The following CTNNA3 variants were observed in gnomAD, a reference collection of about 807,000 sequenced individuals.
CTNNA3 encodes the protein catenin alpha 3, also known as catenin alpha-3.
A neutral mutation model predicts 95.7 loss-of-function variants in CTNNA3; 76 were observed. The observed-to-expected ratio is 0.79, with a 90% CI of 0.66 to 0.96. The LOEUF (loss-of-function observed/expected upper bound fraction) is 0.96, where lower values mean the gene tolerates loss of function less well. Ranked by LOEUF, CTNNA3 falls within the 40% of genes least tolerant of loss-of-function variation. The probability of loss-of-function intolerance (pLI) is 0.00; values close to 1 mark genes in which losing one functional copy is unlikely to be tolerated. For synonymous variants in CTNNA3, 431 were observed against 374.4 expected (o/e 1.15, Z -1.74); for missense variants, 1,191 against 1,089.8 (o/e 1.09, Z -1.31).
intron 7 of CTNNA3, among the ~76,000 whole-genome samples, chr10:66,837,892 C>T (rs1399338422): frequency 6.6e-6 from 1 of 152,096 alleles, no homozygotes; most frequent in Non-Finnish European, 1.5e-5. Context: ...TCTCTGCCGC[C>T]ACTTGTCCAT....
chr10:66,257,230 C>A lies in CTNNA3; in HGVS notation c.1884+23240G>T, dbSNP rs576326936. Reference sequence around the variant, plus strand: ...AAGTCTAGAGTAAATCTGATTGTGGCTAAACAAGAGATAATGTTCTTCATA... The same window carrying A: ...AAGTCTAGAGTAAATCTGATTGTGGATAAACAAGAGATAATGTTCTTCATA... On this transcript the variant is annotated intron_variant, in intron 13 of 17. Coordinates refer to ENST00000433211, the MANE Select transcript of CTNNA3 (RefSeq NM_013266.4). Among the ~76,000 whole-genome samples the A allele has an allele frequency of 2.3e-4, 35 of 152,264 alleles. No homozygotes were observed. In the South Asian group the frequency reaches 7.3e-3, roughly 32 times the overall value.
intron 9 of CTNNA3, among the ~76,000 whole-genome samples, chr10:66,756,215 A>G (rs535103427): frequency 1.3e-5 from 2 of 152,276 alleles, no homozygotes; most frequent in African/African-American, 2.4e-5. Flanking sequence ...AAAAAAGAGG[A>G]GGACAGGAAG....
chr10:66,704,806 A>G (rs1303893345), intron 9 of CTNNA3, among the ~76,000 whole-genome samples: 3 of 152,170 alleles, frequency 2.0e-5, no homozygotes, highest in Non-Finnish European at 4.4e-5. Flanking sequence ...AGATTCCATC[A>G]TATTTTCTAC....
At chr10:67,332,557 T>A (rs1490618788) in intron 5 of CTNNA3, among the ~76,000 whole-genome samples, 1 of 152,172 alleles carries the variant, frequency 6.6e-6, no homozygotes, top group Non-Finnish European at 1.5e-5. Context: ...TCCCATTTTT[T>A]GAGAAATGTT....
At chr10:66,064,065 C>G (rs568358404) in intron 15 of CTNNA3, among the ~76,000 whole-genome samples, 52 of 152,256 alleles carry the variant, frequency 3.4e-4, no homozygotes, top group African/African-American at 1.2e-3. Context: ...AATTGACTCA[C>G]AGTTCCGCAT....
intron 5 of CTNNA3, among the ~76,000 whole-genome samples, chr10:67,239,870 G>GA (rs1052452602): frequency 6.6e-5 from 10 of 151,464 alleles, no homozygotes; most frequent in Admixed American, 4.6e-4. Flanking sequence ...TTTTAAAAAA[G>GA]AAAAAAAAGT....
At chr10:66,661,418 C>A (rs1278047385) in intron 9 of CTNNA3, among the ~76,000 whole-genome samples, 1 of 152,102 alleles carries the variant, frequency 6.6e-6, no homozygotes, top group Non-Finnish European at 1.5e-5. Flanking sequence ...TGATTCAAAT[C>A]CCTCCCACAA....
At chr10:67,022,006 A>C (rs759157866) in intron 7 of CTNNA3, among the ~76,000 whole-genome samples, 10 of 152,224 alleles carry the variant, frequency 6.6e-5, no homozygotes, top group Non-Finnish European at 1.3e-4. Context: ...TCTAATTGTT[A>C]AGTCGCAATA....
At chr10:67,515,497 C>A (rs1839782921) in intron 5 of CTNNA3, among the ~76,000 whole-genome samples, 1 of 152,184 alleles carries the variant, frequency 6.6e-6, no homozygotes, top group African/African-American at 2.4e-5. Context: ...TTGGTTTGAA[C>A]TTAGCACACT....
At chr10:66,807,345 T>G (rs1459555924) in intron 7 of CTNNA3, among the ~76,000 whole-genome samples, 1 of 152,066 alleles carries the variant, frequency 6.6e-6, no homozygotes, top group African/African-American at 2.4e-5. Context: ...GACCTTATTC[T>G]CCATTTTCTA....
At chr10:67,087,867 A>G (rs1258833649) in intron 7 of CTNNA3, among the ~76,000 whole-genome samples, 1 of 152,118 alleles carries the variant, frequency 6.6e-6, no homozygotes, top group Non-Finnish European at 1.5e-5. Flanking sequence ...CATTCATTCA[A>G]TAAATACACA....
intron 15 of CTNNA3, among the ~76,000 whole-genome samples, chr10:66,017,432 T>C (rs759073197): frequency 2.6e-5 from 4 of 152,258 alleles, no homozygotes; most frequent in Admixed American, 6.5e-5. Flanking sequence ...TTAATTTCTG[T>C]TGGAAGAGAT....
At chr10:67,652,418 C>T (rs1839902543) in intron 1 of CTNNA3, among the ~76,000 whole-genome samples, 3 of 152,204 alleles carry the variant, frequency 2.0e-5, no homozygotes, top group African/African-American at 7.2e-5. Flanking sequence ...GGATATACTC[C>T]TTTTGGATGT....
intron 7 of CTNNA3, among the ~76,000 whole-genome samples, chr10:67,152,219 C>A (rs1861115913): frequency 6.6e-6 from 1 of 152,194 alleles, no homozygotes; most frequent in Non-Finnish European, 1.5e-5. Flanking sequence ...CCTCTCTTGT[C>A]TAATGGCTCC....
At chr10:67,196,391 C>T (rs1863371554) in intron 6 of CTNNA3, among the ~76,000 whole-genome samples, 1 of 151,922 alleles carries the variant, frequency 6.6e-6, no homozygotes, top group South Asian at 2.1e-4. Context: ...ACATAACTTG[C>T]ATTTTGTTGT....
chr10:66,919,040 C>G (rs1219091459), intron 7 of CTNNA3, among the ~76,000 whole-genome samples: 2 of 151,312 alleles, frequency 1.3e-5, no homozygotes, highest in East Asian at 3.9e-4. Context: ...GAGGCTGAGG[C>G]CCAAGAATCA....
intron 9 of CTNNA3, among the ~76,000 whole-genome samples, chr10:66,624,929 A>G (rs1013933270): frequency 1.3e-5 from 2 of 152,150 alleles, no homozygotes; most frequent in Non-Finnish European, 2.9e-5. Flanking sequence ...ATTTTGCTAC[A>G]TCCTTAACCA....
At chr10:66,312,162 T>G (rs565371372) in intron 12 of CTNNA3, among the ~76,000 whole-genome samples, 2 of 152,288 alleles carry the variant, frequency 1.3e-5, no homozygotes, top group South Asian at 4.1e-4. Flanking sequence ...TACTCTAGTA[T>G]CTAAAAAGTG....
rs1453508022 is a variant in CTNNA3, at chr10:66,837,208, A to G, written c.1048-61684T>C. On this transcript the variant is annotated intron_variant, in intron 7 of 17. Transcript: ENST00000433211. Reference sequence around the variant, plus strand: ...GTATTATTATCGAATAAGCAACATCAGAAAGTTTCACCACTACGAACAACA... The same window carrying G: ...GTATTATTATCGAATAAGCAACATCGGAAAGTTTCACCACTACGAACAACA... Among the ~76,000 whole-genome samples the G allele has an allele frequency of 2.0e-5, 3 of 152,194 alleles. No homozygotes were observed. In the East Asian group the frequency reaches 5.8e-4, roughly 29 times the overall value.
Sources: allele counts gnomAD v4.1 joint callset (sites outside exome capture counted in the v4.1 genomes callset), GRCh38; gene constraint gnomAD v4.1.1; transcripts MANE v1.5; gene names NCBI Gene and HGNC (gene_info 2026-07-23, HGNC 2026-07-21).